NIPA1: variants seen among roughly 807,000 people sequenced by gnomAD.
The protein encoded by NIPA1 is NIPA magnesium transporter 1, also known as magnesium transporter NIPA1.
NIPA1 carries 13 observed loss-of-function variants against 23.9 expected under a neutral mutation model. That is an observed-to-expected ratio of 0.54 (90% CI 0.35 to 0.87). NIPA1 has a LOEUF of 0.87. NIPA1 is among the 40% of genes least tolerant of loss of function. The pLI is 0.01. For missense variants in NIPA1, 362 were observed against 429.7 expected (o/e 0.84, Z 1.39); for synonymous variants, 234 against 202.9 (o/e 1.15, Z -1.30).
chr15:22,790,184 C>G (rs1894798617), intron 1 of NIPA1, among the ~76,000 whole-genome samples: 1 of 152,104 alleles, frequency 6.6e-6, no homozygotes. Flanking sequence ...AGATCAGAGG[C>G]CTTCATTAAT....
intron 1 of NIPA1, among the ~76,000 whole-genome samples, chr15:22,798,447 G>C (rs534670221): frequency 6.7e-6 from 1 of 149,596 alleles, no homozygotes; most frequent in Non-Finnish European, 1.5e-5. Context: ...CACCGTGTTG[G>C]CCAGGATGGT....
Position 22,824,200 on chromosome 15 carries a change from C to T in NIPA1, c.951C>T (p.Asn317=). 1 of 1,613,348 alleles carries T rather than the reference C, an allele frequency of 6.2e-7. No individual in the cohort carries two copies. The highest frequency in any genetic ancestry group is 8.5e-7 in the Non-Finnish European group (1 of 1,179,262). The part of the protein sequence containing the change: ...LIQVFKEFNF[N]LGEMNKSNMK... ...AGGTGTTCAAAGAGTTCAATTTCAACCTTGGGGAGATGAACAAATCTAATA... is the reference window on the plus strand; with the variant it reads ...AGGTGTTCAAAGAGTTCAATTTCAATCTTGGGGAGATGAACAAATCTAATA... Residue 317 remains asparagine (N), a synonymous_variant, in exon 5 of 5, where the codon AAC becomes AAT. Coordinates refer to ENST00000337435, the MANE Select transcript of NIPA1 (RefSeq NM_144599.5). The surrounding 1 kb of genome is among the most constrained non-coding windows in gnomAD (Gnocchi z 4.1).
intron 1 of NIPA1, among the ~76,000 whole-genome samples, chr15:22,792,828 C>T (rs887017248): frequency 2.6e-5 from 4 of 151,910 alleles, no homozygotes; most frequent in African/African-American, 9.7e-5. Flanking sequence ...GTGGTGGGCA[C>T]CTGTAATCCA....
At chr15:22,796,859 T>A (rs1041463988) in intron 1 of NIPA1, among the ~76,000 whole-genome samples, 4 of 152,118 alleles carry the variant, frequency 2.6e-5, no homozygotes, top group African/African-American at 9.7e-5. Context: ...GATATAATTA[T>A]TCAGCAGAGT....
chr15:22,811,679 A>G (rs932564801), intron 2 of NIPA1, among the ~76,000 whole-genome samples: 7 of 152,184 alleles, frequency 4.6e-5, no homozygotes, highest in East Asian at 1.9e-4. Flanking sequence ...GGCAATACCA[A>G]TTCTGTTCCT....
At position 22,818,523 on chromosome 15, in the gene NIPA1, G is replaced by A. The variant is rs571499756; in HGVS notation, c.318-1790G>A. On this transcript the variant is annotated intron_variant, in intron 3 of 4. Coordinates refer to ENST00000337435, the MANE Select transcript of NIPA1 (RefSeq NM_144599.5). ...TTAAAAATGGCACTGTCAGCCAGGC[G>A]CAGTGGCTCATGCCTATAATCCCAG... Among the ~76,000 whole-genome samples, 414 of 151,818 alleles carry A rather than the reference G, an allele frequency of 2.7e-3. 1 individual carries two copies. The highest frequency in any genetic ancestry group is 9.0e-3 in the African/African-American group (374 of 41,356).
intron 4 of NIPA1, among the ~76,000 whole-genome samples, chr15:22,822,133 C>G (rs1895552251): frequency 6.6e-6 from 1 of 152,114 alleles, no homozygotes. Context: ...TCAGATGGAG[C>G]ATAACTCTTA....
At chr15:22,793,738 C>T (rs1894884007) in intron 1 of NIPA1, among the ~76,000 whole-genome samples, 1 of 152,106 alleles carries the variant, frequency 6.6e-6, no homozygotes, top group Non-Finnish European at 1.5e-5. Flanking sequence ...CTTGAGTTGA[C>T]TTTTGTGTAT....
At chr15:22,798,639 G>T (rs1894995078) in intron 1 of NIPA1, among the ~76,000 whole-genome samples, 1 of 148,128 alleles carries the variant, frequency 6.8e-6, no homozygotes, top group Non-Finnish European at 1.5e-5. Context: ...ACGAGGTCAG[G>T]AGATCGAGAC....
chr15:22,814,134 G>A (rs1895369619), intron 3 of NIPA1: 1 of 1,260,772 alleles, frequency 7.9e-7, no homozygotes, highest in South Asian at 1.2e-5. Context: ...TAAAAAGCCT[G>A]TCTTCAACTT....
At chr15:22,820,852 T>C (rs1204519565) in intron 4 of NIPA1, among the ~76,000 whole-genome samples, 8 of 151,906 alleles carry the variant, frequency 5.3e-5, no homozygotes, top group Admixed American at 5.2e-4. Context: ...CTGCCCACTC[T>C]ATCTCCACCT....
intron 1 of NIPA1, among the ~76,000 whole-genome samples, chr15:22,804,758 G>A (rs532766950): frequency 3.9e-5 from 6 of 152,226 alleles, no homozygotes; most frequent in South Asian, 2.1e-4. Flanking sequence ...TACATGTATG[G>A]ACCGATTTCT....
At position 22,828,122 on chromosome 15, in the gene NIPA1, A is replaced by G. The variant is rs191064976; in HGVS notation, c.*3883A>G. Reference sequence around the variant, plus strand: ...AGTTGTTCTTTTCATGGTGTCTGACACCGAGGGCGTTGTTCGTCCATCAGG... The same window carrying G: ...AGTTGTTCTTTTCATGGTGTCTGACGCCGAGGGCGTTGTTCGTCCATCAGG... On this transcript the variant is annotated 3_prime_UTR_variant, in exon 5 of 5. Coordinates refer to ENST00000337435, the MANE Select transcript of NIPA1 (RefSeq NM_144599.5). 1.3e-5 allele frequency: 2 copies of G among 152,682 alleles called. No homozygotes were observed. Among genetic ancestry groups the G allele is most frequent in the African/African-American group, 2.4e-5 (1 of 41,526 alleles). The allele number at this position is 152,682 out of a possible 1,614,324, so 9.5% of individuals were successfully genotyped here. A position where few individuals can be genotyped will look rare whatever the true frequency, so the allele number is the denominator to read the frequency against.
At chr15:22,805,425 G>T (rs923919348) in intron 1 of NIPA1, among the ~76,000 whole-genome samples, 22 of 151,968 alleles carry the variant, frequency 1.4e-4, no homozygotes, top group Non-Finnish European at 2.8e-4. Flanking sequence ...GGTGGCTCAC[G>T]CCTGTAATCC....
intron 1 of NIPA1, among the ~76,000 whole-genome samples, chr15:22,801,823 T>G (rs1490679971): frequency 6.6e-6 from 1 of 152,114 alleles, no homozygotes; most frequent in African/African-American, 2.4e-5. Context: ...CTGTGACTTT[T>G]TATGTGTTTG....
rs1895609956 is a variant in NIPA1 at position 22,824,474 on chromosome 15, G to A, written c.*235G>A. 5 of 530,942 alleles carry A rather than the reference G, an allele frequency of 9.4e-6. No individual in the cohort carries two copies. The highest frequency in any genetic ancestry group is 1.3e-5 in the Non-Finnish European group (4 of 296,896). The allele number at this position is 530,942 out of a possible 1,614,324, so 32.9% of individuals were successfully genotyped here. A position where few individuals can be genotyped will look rare whatever the true frequency, so the allele number is the denominator to read the frequency against. ...TGGCACCATCTCTCTCTGATGAGAC[G>A]AATCTCATTTTCATTTCCATTAACC... On this transcript the variant is annotated 3_prime_UTR_variant, in exon 5 of 5. Coordinates refer to ENST00000337435, the MANE Select transcript of NIPA1 (RefSeq NM_144599.5). This position sits in a 1 kb window ranked among gnomAD's most constrained non-coding sequence, Gnocchi z 4.1.
intron 1 of NIPA1, among the ~76,000 whole-genome samples, chr15:22,798,460 T>G (rs1280851851): frequency 6.7e-6 from 1 of 149,340 alleles, no homozygotes; most frequent in Non-Finnish European, 1.5e-5. Context: ...AGGATGGTCT[T>G]GATCTCCTGA....
intron 3 of NIPA1, among the ~76,000 whole-genome samples, chr15:22,817,471 C>T (rs1159930081): frequency 2.1e-5 from 3 of 144,004 alleles, no homozygotes; most frequent in African/African-American, 7.8e-5. Context: ...TGCACTCCAG[C>T]CTGGGCAACA....
chr15:22,795,355 G>A (rs1202806499), intron 1 of NIPA1, among the ~76,000 whole-genome samples: 1 of 152,098 alleles, frequency 6.6e-6, no homozygotes, highest in Non-Finnish European at 1.5e-5. Context: ...TGATTCTGTG[G>A]TGGACTGGGC....
Sources: allele counts gnomAD v4.1 joint callset (sites outside exome capture counted in the v4.1 genomes callset), GRCh38; gene constraint gnomAD v4.1.1; non-coding constraint Gnocchi (gnomAD v3.1); transcripts MANE v1.5; gene names NCBI Gene and HGNC (gene_info 2026-07-23, HGNC 2026-07-21).